Variants in KCNK9 observed in about 807,000 individuals in gnomAD.
KCNK9 encodes the protein potassium channel subfamily K member 9.
Under a neutral mutation model 10.8 loss-of-function variants are expected in KCNK9, and 1 was observed. The observed-to-expected ratio is 0.09, with a 90% confidence interval of 0.03 to 0.44. KCNK9 has a LOEUF of 0.44. Ranked by LOEUF, KCNK9 falls within the 20% of genes least tolerant of loss-of-function variation. The pLI is 0.97. For missense variants in KCNK9, 303 were observed against 515.0 expected (o/e 0.59, Z 3.98); for synonymous variants, 231 against 222.7 (o/e 1.04, Z -0.33).
At chr8:139,688,094 T>C (rs1365476649) in intron 1 of KCNK9, among the ~76,000 whole-genome samples, 1 of 152,130 alleles carries the variant, frequency 6.6e-6, no homozygotes, top group African/African-American at 2.4e-5. Flanking sequence ...AGAAAAAGTT[T>C]AAAAGCACAG....
At chr8:139,636,245 C>G (rs1815335506) in intron 1 of KCNK9, among the ~76,000 whole-genome samples, 1 of 152,238 alleles carries the variant, frequency 6.6e-6, no homozygotes, top group Non-Finnish European at 1.5e-5. Flanking sequence ...AAGGAATGCT[C>G]AGAGAGGCTA....
intron 1 of KCNK9, among the ~76,000 whole-genome samples, chr8:139,638,637 G>A (rs1200179209): frequency 1.3e-5 from 2 of 152,206 alleles, no homozygotes; most frequent in East Asian, 3.9e-4. Context: ...CAGCTGCTTT[G>A]TCTGGGGATA....
chr8:139,653,116 C>G (rs1428835379), intron 1 of KCNK9, among the ~76,000 whole-genome samples: 2 of 152,190 alleles, frequency 1.3e-5, no homozygotes, highest in Non-Finnish European at 2.9e-5. Flanking sequence ...CAAGCCCAGT[C>G]CAGCTGCTCA....
In KCNK9 at chr8:139,693,824, G is replaced by A. The variant is rs370945196; in HGVS notation, c.283+8886C>T. Among the ~76,000 whole-genome samples the A allele has an allele frequency of 3.4e-4, 52 of 152,286 alleles. 1 individual carries two copies. In the East Asian group the frequency reaches 9.5e-3, roughly 28 times the overall value. Reference sequence around the variant, plus strand: ...GGGGAGCTGCTGGGGTCTGGGGCAGGGCGAAGATGGCAGCCATGGGCTTTT... The same window carrying A: ...GGGGAGCTGCTGGGGTCTGGGGCAGAGCGAAGATGGCAGCCATGGGCTTTT... On this transcript the variant is annotated intron_variant, in intron 1 of 1. Transcript: ENST00000520439. This position sits in a 1 kb window ranked among gnomAD's most constrained non-coding sequence, Gnocchi z 4.1.
rs1391808133 is a variant in KCNK9, at chr8:139,703,089, T to G, written c.-97A>C. ...CCCGGCGGCCGCCGCCGCCTCCTCC[T>G]CCGCCGCCGCCGCCGCCGCCTCCAA... On this transcript the variant is annotated 5_prime_UTR_variant, in exon 1 of 2. Transcript: ENST00000520439. The surrounding 1 kb of genome is among the most constrained non-coding windows in gnomAD (Gnocchi z 6.4). The G allele has an allele frequency of 2.9e-5, 31 of 1,071,692 alleles. No homozygotes were observed. Among genetic ancestry groups the G allele is most frequent in the Middle Eastern group, 3.6e-4 (1 of 2,792 alleles). The allele number at this position is 1,071,692 out of a possible 1,614,324, so 66.4% of individuals were successfully genotyped here. A position where few individuals can be genotyped will look rare whatever the true frequency, so the allele number is the denominator to read the frequency against.
chr8:139,670,676 AT>A (rs1446992527), intron 1 of KCNK9, among the ~76,000 whole-genome samples: 6 of 152,230 alleles, frequency 3.9e-5, no homozygotes, highest in Non-Finnish European at 1.5e-5. Flanking sequence ...AAGGAAGAAT[AT>A]GGACCAACAA....
chr8:139,644,475 T>C (rs964752313), intron 1 of KCNK9, among the ~76,000 whole-genome samples: 4 of 152,214 alleles, frequency 2.6e-5, no homozygotes, highest in Middle Eastern at 3.2e-3. Flanking sequence ...GGTAGGGTTT[T>C]TCAGCCAGAG....
At chr8:139,700,258 C>T (rs1232687985) in intron 1 of KCNK9, among the ~76,000 whole-genome samples, 3 of 152,134 alleles carry the variant, frequency 2.0e-5, no homozygotes, top group Non-Finnish European at 2.9e-5. Context: ...CTGCAGCCCG[C>T]GGGATCTCAG....
downstream of KCNK9, among the ~76,000 whole-genome samples, chr8:139,610,514 T>C (rs2130085542): frequency 6.6e-6 from 1 of 152,316 alleles, no homozygotes; most frequent in African/African-American, 2.4e-5. Flanking sequence ...CCAGGATGCT[T>C]AAGTGAAAGA....
chr8:139,653,902 T>C (rs1815941619), intron 1 of KCNK9, among the ~76,000 whole-genome samples: 1 of 152,102 alleles, frequency 6.6e-6, no homozygotes, highest in Non-Finnish European at 1.5e-5. Context: ...CAATTCCAAG[T>C]CCCTAAACCC....
intron 1 of KCNK9, among the ~76,000 whole-genome samples, chr8:139,684,469 C>T (rs2129773265): frequency 6.6e-6 from 1 of 151,992 alleles, no homozygotes; most frequent in African/African-American, 2.4e-5. Context: ...CAAAAACTTT[C>T]CTAGAAGAAA....
chr8:139,623,227 T>TC (rs1814850013), intron 1 of KCNK9, among the ~76,000 whole-genome samples: 1 of 152,120 alleles, frequency 6.6e-6, no homozygotes, highest in Non-Finnish European at 1.5e-5. Context: ...TCTAATACAT[T>TC]CCCCCAGCAC....
chr8:139,621,274 G>C (rs1814768048), intron 1 of KCNK9, among the ~76,000 whole-genome samples: 1 of 145,728 alleles, frequency 6.9e-6, no homozygotes, highest in African/African-American at 2.6e-5. Flanking sequence ...CTGGGTGACA[G>C]AGCGAGACTC....
At chr8:139,631,219 C>A (rs1051216930) in intron 1 of KCNK9, among the ~76,000 whole-genome samples, 1 of 152,386 alleles carries the variant, frequency 6.6e-6, no homozygotes, top group South Asian at 2.1e-4. Context: ...AAGCTGCCAT[C>A]CATCAGTGGC....
In KCNK9 at chr8:139,618,918, A is replaced by T; in HGVS notation, c.465T>A (p.Ser155=). The T allele has an allele frequency of 6.2e-7, 1 of 1,614,252 alleles. No homozygotes were observed. Among genetic ancestry groups the T allele is most frequent in the Non-Finnish European group, 8.5e-7 (1 of 1,180,046 alleles). The change falls in exon 2 of 2, where the codon TCT becomes TCA. Residue 155 remains serine, a synonymous_variant. Coordinates refer to ENST00000520439, the MANE Select transcript of KCNK9 (RefSeq NM_001282534.2). The surrounding 1 kb of genome is among the most constrained non-coding windows in gnomAD (Gnocchi z 7.9). ...KCCGMRNTDV[S]MENMVTVGFF... ...AGCCCACAGTCACCATGTTCTCCAT[A>T]GACACGTCAGTGTTGCGCATGCCAC...
Position 139,662,831 on chromosome 8 carries a change from G to A in KCNK9, c.283+39879C>T, listed in dbSNP as rs558803360. On this transcript the variant is annotated intron_variant, in intron 1 of 1. Coordinates refer to ENST00000520439, the MANE Select transcript of KCNK9 (RefSeq NM_001282534.2). Reference sequence around the variant, plus strand: ...GAGGTGCGGGGGACAGGGGAGGGGGGTCAGGGAAAGGGGAGAAGGGAGGAA... The same window carrying A: ...GAGGTGCGGGGGACAGGGGAGGGGGATCAGGGAAAGGGGAGAAGGGAGGAA... Among the ~76,000 whole-genome samples the A allele has an allele frequency of 1.5e-4, 21 of 135,950 alleles. No individual in the cohort carries two copies. In the East Asian group the frequency reaches 3.5e-3, roughly 23 times the overall value. 89.2% of individuals were successfully genotyped at this position (135,950 alleles called of 152,430 possible). A position where few individuals can be genotyped will look rare whatever the true frequency, so the allele number is the denominator to read the frequency against.
At chr8:139,686,671 C>T (rs1218447337) in intron 1 of KCNK9, among the ~76,000 whole-genome samples, 1 of 152,186 alleles carries the variant, frequency 6.6e-6, no homozygotes. Context: ...AATTACATTA[C>T]AATTAGTAAA....
At position 139,617,956 on chromosome 8, in the gene KCNK9, A is replaced by ATGATGGGGT; in HGVS notation, c.*293_*301dup. 5 of 403,224 alleles carry ATGATGGGGT rather than the reference A, an allele frequency of 1.2e-5. No individual in the cohort carries two copies. Among genetic ancestry groups the ATGATGGGGT allele is most frequent in the South Asian group, 1.2e-4 (5 of 43,074 alleles). The allele number at this position is 403,224 out of a possible 1,614,324, so 25.0% of individuals were successfully genotyped here. Reference sequence around the variant, plus strand: ...CTGTCCCGGGAAAACCACTGCAGAGATGATGGGGTGGGTGGGGTGAGAAAT... The same window carrying ATGATGGGGT: ...CTGTCCCGGGAAAACCACTGCAGAGATGATGGGGTTGATGGGGTGGGTGGGGTGAGAAAT... On this transcript the variant is annotated 3_prime_UTR_variant, in exon 2 of 2. Coordinates refer to ENST00000520439, the MANE Select transcript of KCNK9 (RefSeq NM_001282534.2).
At chr8:139,697,546 A>T (rs1302308890) in intron 1 of KCNK9, among the ~76,000 whole-genome samples, 5 of 151,942 alleles carry the variant, frequency 3.3e-5, no homozygotes, top group Non-Finnish European at 1.5e-5. Context: ...TACATTGTGA[A>T]TGGAGAGATG....
Sources: allele counts gnomAD v4.1 joint callset (sites outside exome capture counted in the v4.1 genomes callset), GRCh38; gene constraint gnomAD v4.1.1; non-coding constraint Gnocchi (gnomAD v3.1); transcripts MANE v1.5; gene names NCBI Gene and HGNC (gene_info 2026-07-23, HGNC 2026-07-21).